The following VWF variants were observed in gnomAD, a reference collection of about 807,000 sequenced individuals.
VWF encodes von Willebrand factor.
In VWF, 176 loss-of-function variants were observed where a neutral mutation model predicts 308.6. That is an observed-to-expected ratio of 0.57 (90% CI 0.50 to 0.65). The LOEUF (loss-of-function observed/expected upper bound fraction) is 0.65. Ranked by LOEUF, VWF falls within the 30% of genes least tolerant of loss-of-function variation. The pLI, the probability that VWF is intolerant of heterozygous loss-of-function variation, is 0.00. For missense variants in VWF, 3,146 were observed against 3,648.2 expected (o/e 0.86, Z 3.55); for synonymous variants, 1,385 against 1,443.4 (o/e 0.96, Z 0.92).
intron 34 of VWF, among the ~76,000 whole-genome samples, chr12:5,998,036 A>G (rs951401938): frequency 6.6e-6 from 1 of 152,204 alleles, no homozygotes; most frequent in African/African-American, 2.4e-5. Context: ...CTTACTCATT[A>G]TCTTTCCAAG....
At chr12:6,038,365 AG>A (rs1370098788) in intron 18 of VWF, among the ~76,000 whole-genome samples, 1 of 152,244 alleles carries the variant, frequency 6.6e-6, no homozygotes. Flanking sequence ...ACAGAAGTGC[AG>A]GGACGGACTC....
rs371539649 is a variant in VWF, at chr12:6,016,608, G to A, written c.5219C>T (p.Thr1740Ile). 21 of 1,614,100 alleles carry A rather than the reference G, an allele frequency of 1.3e-5. No individual in the cohort carries two copies. In the African/African-American group the frequency reaches 2.7e-4, roughly 21 times the overall value. ...GACCACGTTCCATGGCACGTCAATGGTGGTGATGCTTCCATACTGCAGCAC... is the reference window on the plus strand; with the variant it reads ...GACCACGTTCCATGGCACGTCAATGATGGTGATGCTTCCATACTGCAGCAC... The part of the protein sequence containing the change: ...VSVLQYGSIT[T>I]IDVPWNVVPE... The change falls in exon 30 of 52, where the codon ACC becomes ATC. Residue 1740 changes from threonine (T) to isoleucine (I), a missense_variant. Physicochemically the swap from Thr to Ile is moderately conservative, Grantham distance 89. This residue lies in a region of VWF where 853 missense variants were observed against 1,177.8 expected (regional missense o/e 0.72). Coordinates refer to ENST00000261405, the MANE Select transcript of VWF (RefSeq NM_000552.5).
At position 6,037,981 on chromosome 12, in the gene VWF, C is replaced by T. The variant is rs537724844; in HGVS notation, c.2443-1490G>A. On this transcript the variant is annotated intron_variant, in intron 18 of 51. Coordinates refer to ENST00000261405, the MANE Select transcript of VWF (RefSeq NM_000552.5). ...TCTTCACCCAACCTCAGGAGGTGTT[C>T]CCGCATCTCTGGAAGCCCAGCTGAT... Among the ~76,000 whole-genome samples, 616 of 152,298 alleles carry T rather than the reference C, an allele frequency of 4.0e-3. 2 individuals carry two copies. The highest frequency in any genetic ancestry group is 0.014 in the Middle Eastern group (4 of 294).
chr12:6,119,861 A>C (rs1047225440), intron 3 of VWF, among the ~76,000 whole-genome samples: 1 of 152,086 alleles, frequency 6.6e-6, no homozygotes, highest in African/African-American at 2.4e-5. Context: ...TAAATAAATA[A>C]ATACATAATC....
In VWF at chr12:6,058,454, C is replaced by A. The variant is rs948885137; in HGVS notation, c.1534-410G>T. The stretch of plus-strand genomic sequence containing the variant: ...GCCATCCACACCAGTGGGCCTGACC[C>A]CCCCACCCAGAGTTACGTGCAAACT... On this transcript the variant is annotated intron_variant, in intron 13 of 51. Transcript: ENST00000261405. The surrounding 1 kb of genome is among the most constrained non-coding windows in gnomAD (Gnocchi z 4.9). 2.6e-5 allele frequency among the ~76,000 whole-genome samples: 4 copies of A among 152,162 alleles called. No homozygotes were observed. Among genetic ancestry groups the A allele is most frequent in the African/African-American group, 7.2e-5 (3 of 41,432 alleles).
chr12:6,111,579 C>T (rs1444954496), intron 3 of VWF, among the ~76,000 whole-genome samples: 3 of 152,172 alleles, frequency 2.0e-5, no homozygotes, highest in Admixed American at 6.5e-5. Flanking sequence ...CTCACCGTGT[C>T]GCCCAGGCTG....
chr12:6,006,989 C>CA (rs1240884162), intron 34 of VWF, among the ~76,000 whole-genome samples: 1 of 151,754 alleles, frequency 6.6e-6, no homozygotes, highest in Non-Finnish European at 1.5e-5. Context: ...TCACAAGAGA[C>CA]AAAAAAACGG....
intron 2 of VWF, chr12:6,122,712 C>T (rs1186203132): frequency 5.8e-6 from 3 of 520,636 alleles, no homozygotes; most frequent in African/African-American, 1.9e-5. Context: ...GCCTGGAACC[C>T]AGGAAGACTG....
chr12:5,983,879 A>G (rs1943642077), intron 40 of VWF, among the ~76,000 whole-genome samples: 1 of 152,062 alleles, frequency 6.6e-6, no homozygotes, highest in Non-Finnish European at 1.5e-5. Context: ...GATGATAGAT[A>G]CATAGGATAG....
At chr12:6,071,382 C>A in intron 9 of VWF, 39 bp from the exon 10 acceptor site, 1 of 1,612,296 alleles carries the variant, frequency 6.2e-7, no homozygotes, top group Non-Finnish European at 8.5e-7. Context: ...GGTGGTTCTG[C>A]AAACACAAGG....
intron 40 of VWF, 104 bp downstream of exon 40, chr12:5,984,941 C>T: frequency 2.3e-6 from 3 of 1,282,272 alleles, no homozygotes; most frequent in Admixed American, 1.7e-5. Flanking sequence ...CCTCCTTTCA[C>T]ACACCCTGTG....
chr12:6,073,952 C>T (rs1242023239), intron 7 of VWF, among the ~76,000 whole-genome samples: 1 of 152,166 alleles, frequency 6.6e-6, no homozygotes, highest in Non-Finnish European at 1.5e-5. Context: ...GAGGCCCTTA[C>T]CAAGACCCAT....
chr12:6,059,365 G>A (rs1477676843), intron 13 of VWF, among the ~76,000 whole-genome samples: 2 of 152,192 alleles, frequency 1.3e-5, no homozygotes, highest in Non-Finnish European at 2.9e-5. Flanking sequence ...GCTAAATGAG[G>A]CAAGGATTTT....
Position 6,063,010 on chromosome 12 carries a change from T to C in VWF, c.1477A>G (p.Ser493Gly), listed in dbSNP as rs1336547641. ...TCCATCTGCAGGTCCTCCCCGTAGC[T>C]GAGGCGCACGGAGGCCGTCACTGTA... ...QHTVTASVRL[S>G]YGEDLQMDWD... Residue 493 changes from serine to glycine, a missense_variant, in exon 13 of 52, where the codon AGC becomes GGC. By Grantham distance (56) the Ser-to-Gly change is moderately conservative (BLOSUM62 0). Around this residue, in one of 3 missense-constraint regions of VWF, gnomAD observed 1,304 missense variants for 1,353.0 expected, o/e 0.96. Transcript: ENST00000261405. The surrounding 1 kb of genome is among the most constrained non-coding windows in gnomAD (Gnocchi z 4.9). The C allele has an allele frequency of 6.2e-7, 1 of 1,613,654 alleles. No homozygotes were observed. Among genetic ancestry groups the C allele is most frequent in the South Asian group, 1.1e-5 (1 of 91,068 alleles).
In VWF at chr12:6,025,542, T is replaced by C. The variant is rs538547954; in HGVS notation, c.3222+38A>G. 4.0e-6 allele frequency: 6 copies of C among 1,509,428 alleles called. No homozygotes were observed. In the African/African-American group the frequency reaches 4.2e-5, roughly 10 times the overall value. The allele number at this position is 1,509,428 out of a possible 1,614,324, so 93.5% of individuals were successfully genotyped here. A position where few individuals can be genotyped will look rare whatever the true frequency, so the allele number is the denominator to read the frequency against. The stretch of plus-strand genomic sequence containing the variant: ...GTGTCCATACCACCAGGCCAAGCCT[T>C]GGGACCGTCTGCTTCCCACTACCCT... On this transcript the variant is annotated intron_variant, in intron 24 of 51. Coordinates refer to ENST00000261405, the MANE Select transcript of VWF (RefSeq NM_000552.5).
At chr12:5,977,742 A>G (rs1489810825) in intron 42 of VWF, among the ~76,000 whole-genome samples, 1 of 151,576 alleles carries the variant, frequency 6.6e-6, no homozygotes, top group Non-Finnish European at 1.5e-5. Context: ...GTGGTGGCAT[A>G]TGTCTGTAGT....
At chr12:6,029,634 ACCCC>A in intron 21 of VWF, 146 bp from the exon 22 acceptor site, 5 of 1,062,332 alleles carry the variant, frequency 4.7e-6, no homozygotes, top group Non-Finnish European at 7.0e-6. Context: ...CTGCCACTGC[ACCCC>A]TGCAGGGCCA....
Position 5,993,954 on chromosome 12 carries a change from T to C in VWF, c.6506A>G (p.His2169Arg), listed in dbSNP as rs1472234775. 5.0e-6 allele frequency: 8 copies of C among 1,613,982 alleles called. No homozygotes were observed. The highest frequency in any genetic ancestry group is 1.3e-5 in the African/African-American group (1 of 74,876). ...GATCACCTCACACACTTGCTCCTGG[T>C]GGCAACTGTCCTGCTGGCAGATGGC... ...FYAICQQDSC[H>R]QEQVCEVIAS... is the part of the protein sequence containing the mutation. The change falls in exon 37 of 52, where the codon CAC becomes CGC. Residue 2169 changes from histidine (H) to arginine (R), a missense_variant. By Grantham distance (29) the His-to-Arg change is conservative. Transcript: ENST00000261405.
rs548265440 is a variant in VWF, at chr12:5,993,685, A to G, written c.6598+177T>C. Among the ~76,000 whole-genome samples the G allele has an allele frequency of 1.7e-4, 25 of 151,162 alleles. No individual in the cohort carries two copies. In the East Asian group the frequency reaches 3.9e-3, roughly 24 times the overall value. On this transcript the variant is annotated intron_variant, in intron 37 of 51. Coordinates refer to ENST00000261405, the MANE Select transcript of VWF (RefSeq NM_000552.5). ...TATATACACACACACACATATACAT[A>G]TATGTATATGTATATATATATCTTC...
Sources: allele counts gnomAD v4.1 joint callset (sites outside exome capture counted in the v4.1 genomes callset), GRCh38; gene constraint gnomAD v4.1.1; regional missense constraint gnomAD v4.1.1; non-coding constraint Gnocchi (gnomAD v3.1); transcripts MANE v1.5; gene names NCBI Gene and HGNC (gene_info 2026-07-23, HGNC 2026-07-21).